Variants in VPS13C observed in about 807,000 individuals in gnomAD.
VPS13C encodes vacuolar protein sorting 13 homolog C, also known as intermembrane lipid transfer protein VPS13C.
In VPS13C, 358 loss-of-function variants were observed where a neutral mutation model predicts 456.8. The ratio of observed to expected loss-of-function variants is 0.78; its 90% CI spans 0.72 to 0.86. The LOEUF (loss-of-function observed/expected upper bound fraction) is 0.86. VPS13C is among the 40% of genes least tolerant of loss of function. The probability of loss-of-function intolerance (pLI) is 0.00; values close to 1 mark genes in which losing one functional copy is unlikely to be tolerated. For synonymous variants in VPS13C, 1,578 were observed against 1,486.7 expected, an observed-to-expected ratio of 1.06 and a Z score of -1.41; for missense variants, 4,818 against 4,385.4, an observed-to-expected ratio of 1.10 and a Z score of -2.79.
At chr15:61,982,703 C>T in intron 20 of VPS13C, 130 bp from the exon 21 acceptor site, 3 of 593,376 alleles carry the variant, frequency 5.1e-6, no homozygotes, top group East Asian at 2.9e-5. Context: ...TTCTGTCCTA[C>T]TACATCTCCC....
Position 62,000,684 on chromosome 15 carries a change from T to G in VPS13C, c.1291-58A>C, listed in dbSNP as rs1175773904. On this transcript the variant is annotated intron_variant, in intron 15 of 84. Coordinates refer to ENST00000644861, the MANE Select transcript of VPS13C (RefSeq NM_020821.3). ...ATTTAATCATTAGATAAAAGAAATT[T>G]TTCTTTCATGATTTCTAGGCATATC... The G allele has an allele frequency of 2.7e-6, 4 of 1,476,042 alleles. No homozygotes were observed. The African/African-American group carries it at 5.8e-5, about 21-fold the overall frequency. The allele number at this position is 1,476,042 out of a possible 1,614,324, so 91.4% of individuals were successfully genotyped here.
chr15:61,892,414 G>A (rs1273392041), intron 66 of VPS13C, among the ~76,000 whole-genome samples: 1 of 152,100 alleles, frequency 6.6e-6, no homozygotes, highest in Non-Finnish European at 1.5e-5. Flanking sequence ...GAGAACTGAG[G>A]CAAACCAGCA....
chr15:61,910,263 C>A lies in VPS13C; in HGVS notation c.8758G>T (p.Val2920Leu). 6.5e-7 allele frequency: 1 copy of A among 1,527,430 alleles called. No homozygotes were observed. The highest frequency in any genetic ancestry group is 1.3e-5 in the South Asian group (1 of 77,270). The allele number at this position is 1,527,430 out of a possible 1,614,324, so 94.6% of individuals were successfully genotyped here. A position where few individuals can be genotyped will look rare whatever the true frequency, so the allele number is the denominator to read the frequency against. ...GATCCTTCACAGCCCACCACTCTCA[C>A]ACAAAGTTTGCCTGACAAACTTTCT... ...WPESLSGKLC[V>L]RVVGCEGSSK... The change falls in exon 64 of 85, where the codon GTG becomes TTG. Residue 2920 changes from valine to leucine, a missense_variant. Val to Leu is a conservative substitution (Grantham distance 32). Transcript: ENST00000644861.
At chr15:61,954,390 C>G (rs2044911484) in intron 38 of VPS13C, 31 bp downstream of exon 38, 8 of 1,594,910 alleles carry the variant, frequency 5.0e-6, no homozygotes, top group African/African-American at 1.4e-5. Flanking sequence ...TTATTCACCT[C>G]ACTTTACAAA....
intron 66 of VPS13C, among the ~76,000 whole-genome samples, chr15:61,898,469 C>T (rs1276320418): frequency 7.1e-4 from 108 of 151,650 alleles, no homozygotes; most frequent in Middle Eastern, 6.8e-3. Context: ...TCTGATAAAA[C>T]AGACTTTAAA....
At position 61,981,414 on chromosome 15, in the gene VPS13C, A is replaced by G. The variant is rs766231722; in HGVS notation, c.2094T>C (p.Tyr698=). The part of the protein sequence containing the change: ...LDLRINLKPS[Y]LVVPQTGFHH... ...GGAAACCCGTCTGTGGAACTACTAG[A>G]TAAGAAGGCTTCAGATTTATCCTTA... Residue 698 remains tyrosine (Y), a synonymous_variant, in exon 22 of 85, where the codon TAT becomes TAC. Coordinates refer to ENST00000644861, the MANE Select transcript of VPS13C (RefSeq NM_020821.3). The G allele has an allele frequency of 1.2e-6, 2 of 1,612,986 alleles. No individual in the cohort carries two copies. The highest frequency in any genetic ancestry group is 1.3e-5 in the African/African-American group (1 of 74,838).
At chr15:61,958,844 C>T (rs1194759709) in intron 36 of VPS13C, 128 bp from the exon 37 acceptor site, 1 of 492,326 alleles carries the variant, frequency 2.0e-6, no homozygotes, top group African/African-American at 2.0e-5. Flanking sequence ...AAGTTACATA[C>T]AATCACAACT....
At position 62,011,796 on chromosome 15, in the gene VPS13C, G is replaced by A. The variant is rs553414112; in HGVS notation, c.883+311C>T. On this transcript the variant is annotated intron_variant, in intron 12 of 84. Coordinates refer to ENST00000644861, the MANE Select transcript of VPS13C (RefSeq NM_020821.3). ...GAGATTTAGTTACTTTTTGAAAAAA[G>A]AAAGAAAATCTAAATCCTAAAACAA... Among the ~76,000 whole-genome samples the A allele has an allele frequency of 3.3e-5, 5 of 151,876 alleles. No individual in the cohort carries two copies. The East Asian group carries it at 9.7e-4, about 29-fold the overall frequency.
At chr15:62,005,078 T>C (rs1236077550) in intron 15 of VPS13C, among the ~76,000 whole-genome samples, 88 of 152,026 alleles carry the variant, frequency 5.8e-4, no homozygotes, top group Admixed American at 5.8e-3. Flanking sequence ...GGTATCCTTG[T>C]TGACTTTCTG....
chr15:61,867,677 G>A lies in VPS13C; in HGVS notation c.10863+982C>T, dbSNP rs1566956501. ...CAATAAAGGCTTTCATCTATTAAAC[G>A]CAGAAGAGAGCTGATTCTCTGCATC... On this transcript the variant is annotated intron_variant, in intron 81 of 84. Transcript: ENST00000644861. The surrounding 1 kb of genome is among the most constrained non-coding windows in gnomAD (Gnocchi z 5.0). 5 of 1,281,260 alleles carry A rather than the reference G, an allele frequency of 3.9e-6. No individual in the cohort carries two copies. The Admixed American group carries it at 1.6e-4, about 41-fold the overall frequency. 79.4% of individuals were successfully genotyped at this position (1,281,260 alleles called of 1,614,324 possible).
intron 45 of VPS13C, among the ~76,000 whole-genome samples, chr15:61,944,808 C>T (rs1208535880): frequency 6.6e-6 from 1 of 151,904 alleles, no homozygotes; most frequent in Non-Finnish European, 1.5e-5. Flanking sequence ...AAGTGAAGTC[C>T]AAAAGAGTTG....
intron 63 of VPS13C, 142 bp from the exon 64 acceptor site, chr15:61,910,447 A>C: frequency 1.8e-4 from 92 of 517,602 alleles, no homozygotes; most frequent in South Asian, 2.6e-4. Context: ...TCTACATCTC[A>C]TAGTAAGATT....
rs1411360093 is a variant in VPS13C, at chr15:61,913,332, AG to A, written c.8528del (p.Pro2843LeufsTer15). The A allele has an allele frequency of 6.2e-7, 1 of 1,614,002 alleles. No homozygotes were observed. ...TTACCAGGTACTCCATATTGTTGGC[AG>A]GACACTTCACACACCCATAACTTCC... is the stretch of plus-strand genomic sequence containing the variant. ...TVGSYGCVKC[P>X]ANNMEYLVGV... On this transcript the variant is annotated frameshift_variant, in exon 62 of 85. Transcript: ENST00000644861. LOFTEE classifies it high-confidence loss of function.
rs771775692 is a variant in VPS13C, at chr15:61,856,416, T to C, written c.10953-7A>G. 1.2e-6 allele frequency: 2 copies of C among 1,609,410 alleles called. No homozygotes were observed. The highest frequency in any genetic ancestry group is 2.7e-5 in the African/African-American group (2 of 74,632). On this transcript the variant is annotated splice_region_variant and splice_polypyrimidine_tract_variant and intron_variant, in intron 82 of 84. Coordinates refer to ENST00000644861, the MANE Select transcript of VPS13C (RefSeq NM_020821.3). The stretch of plus-strand genomic sequence containing the variant: ...CTTTATACACAACACTCGCCTATTT[T>C]GCAAAAGAAAACAAAAACTTACAGT...
At chr15:62,028,251 C>T (rs2047702783) in intron 6 of VPS13C, 107 bp downstream of exon 6, 1 of 1,212,232 alleles carries the variant, frequency 8.2e-7, no homozygotes, top group African/African-American at 1.5e-5. Context: ...ATTGCATTTC[C>T]ATATTTTCTA....
chr15:61,867,992 G>T lies in VPS13C; in HGVS notation c.10863+667C>A. 4 of 1,289,990 alleles carry T rather than the reference G, an allele frequency of 3.1e-6. No individual in the cohort carries two copies. Among genetic ancestry groups the T allele is most frequent in the Non-Finnish European group, 4.5e-6 (4 of 892,240 alleles). 79.9% of individuals were successfully genotyped at this position (1,289,990 alleles called of 1,614,324 possible). ...AAGAAAATAAAGTTAGAAGCATGCA[G>T]AAAGATAGATAAAACGTAATCATAT... On this transcript the variant is annotated intron_variant, in intron 81 of 84. Transcript: ENST00000644861. This position sits in a 1 kb window ranked among gnomAD's most constrained non-coding sequence, Gnocchi z 5.0.
intron 83 of VPS13C, 61 bp from the exon 84 acceptor site, chr15:61,855,015 CT>C: frequency 7.2e-7 from 1 of 1,382,300 alleles, no homozygotes; most frequent in East Asian, 2.4e-5. Flanking sequence ...AAATTCCTAA[CT>C]TTTAATTGTA....
Position 61,919,936 on chromosome 15 carries a change from G to A in VPS13C, c.7477+131C>T, listed in dbSNP as rs995182904. ...CAAGTTTAGAAAACAAGAAACAAGA[G>A]GTTAGCAATTATATGTTTCAAATGT... On this transcript the variant is annotated intron_variant, in intron 57 of 84. Coordinates refer to ENST00000644861, the MANE Select transcript of VPS13C (RefSeq NM_020821.3). The A allele has an allele frequency of 4.1e-5, 36 of 875,410 alleles. No individual in the cohort carries two copies. The African/African-American group carries it at 5.1e-4, about 12-fold the overall frequency. The allele number at this position is 875,410 out of a possible 1,614,324, so 54.2% of individuals were successfully genotyped here. A position where few individuals can be genotyped will look rare whatever the true frequency, so the allele number is the denominator to read the frequency against.
chr15:62,001,680 C>T (rs538804523), intron 15 of VPS13C, among the ~76,000 whole-genome samples: 4 of 152,282 alleles, frequency 2.6e-5, no homozygotes, highest in Non-Finnish European at 5.9e-5. Flanking sequence ...CCCCACAACC[C>T]ACAACAGTCC....
Sources: allele counts gnomAD v4.1 joint callset (sites outside exome capture counted in the v4.1 genomes callset), GRCh38; gene constraint gnomAD v4.1.1; non-coding constraint Gnocchi (gnomAD v3.1); transcripts MANE v1.5; gene names NCBI Gene and HGNC (gene_info 2026-07-23, HGNC 2026-07-21).